Variants in VPS13B observed in about 807,000 individuals in gnomAD.
The protein encoded by VPS13B is vacuolar protein sorting 13 homolog B.
VPS13B carries 285 observed loss-of-function variants against 426.4 expected under a neutral mutation model. That is an observed-to-expected ratio of 0.67 (90% confidence interval 0.61 to 0.74). The LOEUF (loss-of-function observed/expected upper bound fraction) is 0.74. Ranked by LOEUF, VPS13B falls within the 30% of genes least tolerant of loss-of-function variation. The pLI is 0.00. For synonymous variants in VPS13B, 1,676 were observed against 1,676.4 expected (o/e 1.00, Z 0.01); for missense variants, 4,537 against 4,782.6 (o/e 0.95, Z 1.51).
chr8:99,816,844 T>A (rs544115563), intron 44 of VPS13B, among the ~76,000 whole-genome samples: 3 of 152,122 alleles, frequency 2.0e-5, no homozygotes, highest in South Asian at 2.1e-4. Flanking sequence ...ATAAAAAAAA[T>A]TAGATATCTG....
intron 2 of VPS13B, among the ~76,000 whole-genome samples, chr8:99,021,525 G>A (rs1303720387): frequency 1.3e-5 from 2 of 152,064 alleles, no homozygotes; most frequent in East Asian, 3.9e-4. Context: ...GGAGGCTGAG[G>A]CAGGAGAATT....
chr8:99,355,668 C>T (rs1393650350), intron 19 of VPS13B, among the ~76,000 whole-genome samples: 1 of 152,098 alleles, frequency 6.6e-6, no homozygotes, highest in Admixed American at 6.6e-5. Context: ...TCCTTCATAC[C>T]AAGTATGTTC....
intron 29 of VPS13B, 141 bp from the exon 30 acceptor site, chr8:99,520,758 G>C: frequency 1.8e-6 from 1 of 567,282 alleles, no homozygotes; most frequent in Middle Eastern, 5.1e-4. Flanking sequence ...TTTTAAACAT[G>C]ATTTTTTTTC....
In VPS13B at chr8:99,831,076, C is replaced by CTTTTTTTTTT. The variant is rs773817774; in HGVS notation, c.9331-1288_9331-1279dup. Reference sequence around the variant, plus strand: ...CTTGCCCGGGAATTGGTGTTTTTTTCTTTTTTTTTTTTTTGAGATAGAGTC... The same window carrying CTTTTTTTTTT: ...CTTGCCCGGGAATTGGTGTTTTTTTCTTTTTTTTTTTTTTTTTTTTTTTTGAGATAGAGTC... On this transcript the variant is annotated intron_variant, in intron 51 of 61. Coordinates refer to ENST00000357162, the MANE Select transcript of VPS13B (RefSeq NM_152564.5). Among the ~76,000 whole-genome samples the CTTTTTTTTTT allele has an allele frequency of 1.2e-4, 14 of 120,080 alleles. 2 individuals carry two copies. The highest frequency in any genetic ancestry group is 1.4e-4 in the Non-Finnish European group (8 of 59,206). The allele number at this position is 120,080 out of a possible 152,430, so 78.8% of individuals were successfully genotyped here.
chr8:99,039,100 A>G (rs1842865875), intron 3 of VPS13B, among the ~76,000 whole-genome samples: 1 of 152,242 alleles, frequency 6.6e-6, no homozygotes, highest in Admixed American at 6.5e-5. Context: ...TAGCTCTACT[A>G]GGGACCATGC....
chr8:99,644,565 TA>T lies in VPS13B; in HGVS notation c.5908+2068del, dbSNP rs1177969510. 2.6e-5 allele frequency among the ~76,000 whole-genome samples: 4 copies of T among 152,148 alleles called. No individual in the cohort carries two copies. The South Asian group carries it at 6.2e-4, about 24-fold the overall frequency. On this transcript the variant is annotated intron_variant, in intron 34 of 61. Transcript: ENST00000357162. ...TGGTGGTCATGGGCTAGATTTAATA[TA>T]GGGGTGGGGGGTAAATGTAGGAGGA... is the stretch of plus-strand genomic sequence containing the variant.
chr8:99,436,115 G>A (rs1817359217), intron 22 of VPS13B, among the ~76,000 whole-genome samples: 1 of 152,200 alleles, frequency 6.6e-6, no homozygotes. Context: ...AGAAACCAGA[G>A]AGTTCATGAA....
Position 99,066,647 on chromosome 8 carries a change from G to C in VPS13B, c.291+28081G>C, listed in dbSNP as rs762303869. ...TAATGGCAACAAAGGCCAAAATAGA[G>C]AAATGGGATCTAATTAAACTAAAGA... On this transcript the variant is annotated intron_variant, in intron 3 of 61. Transcript: ENST00000357162. 4.8e-4 allele frequency among the ~76,000 whole-genome samples: 73 copies of C among 152,234 alleles called. 1 individual carries two copies. Among genetic ancestry groups the C allele is most frequent in the Admixed American group, 4.4e-3 (68 of 15,294 alleles).
intron 24 of VPS13B, among the ~76,000 whole-genome samples, chr8:99,478,447 GTTT>G (rs56261645): frequency 3.5e-5 from 3 of 85,756 alleles, no homozygotes; most frequent in East Asian, 3.6e-4. Flanking sequence ...TTTTTGTTTT[GTTT>G]TTTTTTTTTT....
rs148755833 is a variant in VPS13B, at chr8:99,671,924, T to G, written c.6046+10433T>G. Among the ~76,000 whole-genome samples, 3 of 152,332 alleles carry G rather than the reference T, an allele frequency of 2.0e-5. No individual in the cohort carries two copies. The East Asian group carries it at 5.8e-4, about 29-fold the overall frequency. ...TGTTCTTGACACCTTTGTTGAGAAC[T>G]AATTAGCTAATACATGGATTTCTTT... is the stretch of plus-strand genomic sequence containing the variant. On this transcript the variant is annotated intron_variant, in intron 35 of 61. Coordinates refer to ENST00000357162, the MANE Select transcript of VPS13B (RefSeq NM_152564.5).
At chr8:99,728,469 G>A (rs1252743941) in intron 39 of VPS13B, among the ~76,000 whole-genome samples, 1 of 152,156 alleles carries the variant, frequency 6.6e-6, no homozygotes. Context: ...CATCATAAAT[G>A]GTAGCTGTTA....
At chr8:99,845,243 T>C (rs552621967) in intron 54 of VPS13B, among the ~76,000 whole-genome samples, 24 of 152,310 alleles carry the variant, frequency 1.6e-4, no homozygotes, top group African/African-American at 5.8e-4. Flanking sequence ...CTCTTGTTCA[T>C]GCTAAATGCC....
At chr8:99,113,714 G>C (rs940814836) in intron 6 of VPS13B, among the ~76,000 whole-genome samples, 5 of 152,016 alleles carry the variant, frequency 3.3e-5, no homozygotes, top group Admixed American at 6.6e-5. Flanking sequence ...ACAGGCGCCG[G>C]CCACCAGGCC....
chr8:99,262,090 G>A (rs1048084792), intron 17 of VPS13B, among the ~76,000 whole-genome samples: 13 of 152,112 alleles, frequency 8.5e-5, no homozygotes, highest in Admixed American at 5.9e-4. Context: ...GCAAGTGGGG[G>A]TAGAACGATG....
intron 16 of VPS13B, among the ~76,000 whole-genome samples, chr8:99,184,260 T>A (rs189387321): frequency 6.6e-6 from 1 of 152,240 alleles, no homozygotes; most frequent in African/African-American, 2.4e-5. Context: ...TTGGATTATA[T>A]AGTAAATTTA....
intron 19 of VPS13B, among the ~76,000 whole-genome samples, chr8:99,291,514 C>T (rs1939423425): frequency 6.6e-6 from 1 of 152,076 alleles, no homozygotes. Context: ...AATTTATTGG[C>T]TGCTAGCTGC....
chr8:99,759,165 G>A (rs74615877), intron 39 of VPS13B, among the ~76,000 whole-genome samples: 1,837 of 152,040 alleles, frequency 0.012, 14 homozygotes, highest in Non-Finnish European at 0.019. Context: ...AAAACCCTAC[G>A]TTGATCTCAT....
At chr8:99,014,689 A>AG (rs1841520509) in intron 2 of VPS13B, among the ~76,000 whole-genome samples, 3 of 146,324 alleles carry the variant, frequency 2.1e-5, no homozygotes, top group African/African-American at 7.9e-5. Flanking sequence ...GAGGAAAAAA[A>AG]GACAAAAAAA....
intron 19 of VPS13B, among the ~76,000 whole-genome samples, chr8:99,321,596 A>C (rs1435174625): frequency 6.6e-6 from 1 of 152,082 alleles, no homozygotes; most frequent in Non-Finnish European, 1.5e-5. Flanking sequence ...AAAAGTTTAA[A>C]CCATATTTTT....
Sources: allele counts gnomAD v4.1 joint callset (sites outside exome capture counted in the v4.1 genomes callset), GRCh38; gene constraint gnomAD v4.1.1; transcripts MANE v1.5; gene names NCBI Gene and HGNC (gene_info 2026-07-23, HGNC 2026-07-21).